CASR: variants seen among roughly 807,000 people sequenced by gnomAD.
The protein encoded by CASR is extracellular calcium-sensing receptor.
A neutral mutation model predicts 69.1 loss-of-function variants in CASR; 23 were observed. The observed-to-expected ratio is 0.33, with a 90% CI of 0.24 to 0.47. The LOEUF is 0.47. CASR is among the 20% of genes least tolerant of loss of function. CASR has a pLI of 1.00. For missense variants in CASR, 924 were observed against 1,356.1 expected (o/e 0.68, Z 5.00); for synonymous variants, 541 against 544.7 (o/e 0.99, Z 0.10).
At chr3:122,226,044 A>T (rs140947322) in intron 1 of CASR, among the ~76,000 whole-genome samples, 7 of 152,250 alleles carry the variant, frequency 4.6e-5, no homozygotes, top group African/African-American at 1.7e-4. Context: ...GGGCACAAAG[A>T]TGGGAACAAA....
At position 122,201,725 on chromosome 3, in the gene CASR, C is replaced by T. The variant is rs536402766; in HGVS notation, c.-243+17913C>T. 2.7e-4 allele frequency among the ~76,000 whole-genome samples: 41 copies of T among 151,856 alleles called. 1 individual carries two copies. In the South Asian group the frequency reaches 8.3e-3, roughly 31 times the overall value. On this transcript the variant is annotated intron_variant, in intron 1 of 6. Transcript: ENST00000639785. ...GGGCGGCTGGCTTGGTGGAGACGCT[C>T]CTCACTTCCCAGACGGGGTGGCTGC... is the stretch of plus-strand genomic sequence containing the variant.
intron 3 of CASR, among the ~76,000 whole-genome samples, chr3:122,258,780 A>G (rs1169453738): frequency 6.6e-6 from 1 of 152,164 alleles, no homozygotes. Flanking sequence ...ATGGCTACCT[A>G]TTGGAATCAC....
chr3:122,260,131 C>T (rs1378028976), intron 3 of CASR, among the ~76,000 whole-genome samples: 9 of 152,102 alleles, frequency 5.9e-5, no homozygotes, highest in East Asian at 3.9e-4. Flanking sequence ...GAGCTGAAGC[C>T]GGCCTCATCA....
chr3:122,221,444 G>A (rs928449166), intron 1 of CASR, among the ~76,000 whole-genome samples: 53 of 152,224 alleles, frequency 3.5e-4, no homozygotes, highest in African/African-American at 7.0e-4. Context: ...GGGCAGAGTA[G>A]GAATCTACAG....
chr3:122,249,558 A>G (rs1033698887), intron 1 of CASR, among the ~76,000 whole-genome samples: 9 of 152,236 alleles, frequency 5.9e-5, no homozygotes, highest in Admixed American at 5.2e-4. Context: ...AAGCCTAACA[A>G]GCCATTATCT....
intron 1 of CASR, among the ~76,000 whole-genome samples, chr3:122,229,869 T>C (rs754548976): frequency 3.3e-5 from 5 of 152,032 alleles, no homozygotes; most frequent in Non-Finnish European, 5.9e-5. Flanking sequence ...CTGTTTTAAA[T>C]AAATAAATAA....
intron 1 of CASR, among the ~76,000 whole-genome samples, chr3:122,194,139 A>G (rs2073865133): frequency 6.6e-6 from 1 of 152,108 alleles, no homozygotes; most frequent in Non-Finnish European, 1.5e-5. Flanking sequence ...TAATTCCTGC[A>G]GAGTCCCCAG....
At chr3:122,189,777 T>C (rs144949178) in intron 1 of CASR, among the ~76,000 whole-genome samples, 8 of 152,344 alleles carry the variant, frequency 5.3e-5, no homozygotes, top group African/African-American at 1.9e-4. Context: ...AGAAGCAGGC[T>C]CAAAGAAATT....
chr3:122,275,606 T>C (rs2074807819), intron 4 of CASR, among the ~76,000 whole-genome samples: 1 of 152,234 alleles, frequency 6.6e-6, no homozygotes, highest in Non-Finnish European at 1.5e-5. Flanking sequence ...ATTTGAATAA[T>C]AATTAAAGCC....
intron 1 of CASR, among the ~76,000 whole-genome samples, chr3:122,250,899 C>T (rs2074476303): frequency 6.6e-6 from 1 of 152,148 alleles, no homozygotes; most frequent in Non-Finnish European, 1.5e-5. Flanking sequence ...CATGTCTACC[C>T]CCTGGACTGA....
chr3:122,259,366 G>T (rs2074593544), intron 3 of CASR, among the ~76,000 whole-genome samples: 1 of 152,040 alleles, frequency 6.6e-6, no homozygotes, highest in Admixed American at 6.6e-5. Flanking sequence ...TCTGCTAACA[G>T]AATTCTCTGA....
At chr3:122,274,282 C>T (rs1477230407) in intron 4 of CASR, among the ~76,000 whole-genome samples, 3 of 152,260 alleles carry the variant, frequency 2.0e-5, no homozygotes, top group Non-Finnish European at 4.4e-5. Context: ...TGTGAGCACA[C>T]ATAGTCTGTC....
At chr3:122,222,281 C>A (rs545845859) in intron 1 of CASR, among the ~76,000 whole-genome samples, 1 of 152,264 alleles carries the variant, frequency 6.6e-6, no homozygotes, top group East Asian at 1.9e-4. Context: ...CTTTTAATAG[C>A]CTGTGTACTC....
chr3:122,203,794 T>C (rs2073980132), intron 1 of CASR, among the ~76,000 whole-genome samples: 2 of 152,222 alleles, frequency 1.3e-5, no homozygotes, highest in South Asian at 4.1e-4. Context: ...AAGATGTCAC[T>C]ATGTGATAGG....
At chr3:122,244,723 A>G (rs1358098180) in intron 1 of CASR, among the ~76,000 whole-genome samples, 1 of 151,860 alleles carries the variant, frequency 6.6e-6, no homozygotes, top group East Asian at 2.0e-4. Flanking sequence ...ATTTGTGCAT[A>G]TCTGATGTCT....
Position 122,262,071 on chromosome 3 carries a change from G to C in CASR, c.1036G>C (p.Gly346Arg). 3 of 1,614,154 alleles carry C rather than the reference G, an allele frequency of 1.9e-6. No individual in the cohort carries two copies. The highest frequency in any genetic ancestry group is 2.5e-6 in the Non-Finnish European group (3 of 1,180,016). The change falls in exon 4 of 7, where the codon GGT (glycine) becomes CGT (arginine). Residue 346 changes from glycine (G) to arginine (R), a missense_variant. This residue lies in a region of CASR where 310 missense variants were observed against 395.7 expected (regional missense o/e 0.78). Coordinates refer to ENST00000639785, the MANE Select transcript of CASR (RefSeq NM_000388.4). ...KVHPRKSVHN[G>R]FAKEFWEETF... ...CCATCCCAGGAAGTCTGTCCACAATGGTTTTGCCAAGGAGTTTTGGGAAGA... is the reference window on the plus strand; with the variant it reads ...CCATCCCAGGAAGTCTGTCCACAATCGTTTTGCCAAGGAGTTTTGGGAAGA...
rs553989612 is a variant in CASR, at chr3:122,222,784, G to A, written c.-242-31164G>A. On this transcript the variant is annotated intron_variant, in intron 1 of 6. Coordinates refer to ENST00000639785, the MANE Select transcript of CASR (RefSeq NM_000388.4). The stretch of plus-strand genomic sequence containing the variant: ...ATATACATTCTTCTCATCTGCACAT[G>A]GCACATACTCTAAATCAACCACATG... Among the ~76,000 whole-genome samples, 4 of 151,912 alleles carry A rather than the reference G, an allele frequency of 2.6e-5. No individual in the cohort carries two copies. In the East Asian group the frequency reaches 7.7e-4, roughly 29 times the overall value.
At chr3:122,266,436 T>C (rs1166760806) in intron 4 of CASR, among the ~76,000 whole-genome samples, 1 of 151,968 alleles carries the variant, frequency 6.6e-6, no homozygotes, top group Non-Finnish European at 1.5e-5. Flanking sequence ...TTTGTTTGTG[T>C]TTTGTTTTTT....
chr3:122,271,470 G>T lies in CASR; in HGVS notation c.1378-4342G>T, dbSNP rs370730013. Among the ~76,000 whole-genome samples, 3 of 152,184 alleles carry T rather than the reference G, an allele frequency of 2.0e-5. 1 individual carries two copies. In the South Asian group the frequency reaches 6.2e-4, roughly 32 times the overall value. ...CTTGCCATGTCTCATTACTCAACTC[G>T]CTACACCAAGTATCCTAGAGGCTAC... On this transcript the variant is annotated intron_variant, in intron 4 of 6. Coordinates refer to ENST00000639785, the MANE Select transcript of CASR (RefSeq NM_000388.4).
Sources: gnomAD v4.1 joint callset for allele counts (sites outside exome capture counted in the v4.1 genomes callset) on GRCh38, gnomAD v4.1.1 for gene constraint, gnomAD v4.1.1 regional missense constraint, MANE v1.5 for transcripts, NCBI Gene and HGNC (gene_info 2026-07-23, HGNC 2026-07-21) for gene names.